The following FAM53B variants were observed in gnomAD, a reference collection of about 807,000 sequenced individuals.
FAM53B encodes family with sequence similarity 53 member B, also known as protein FAM53B.
A neutral mutation model predicts 32.7 loss-of-function variants in FAM53B; 12 were observed. That is an observed-to-expected ratio of 0.37 (90% CI 0.24 to 0.59). The LOEUF is 0.59. FAM53B is among the 20% of genes least tolerant of loss of function. The pLI, the probability that FAM53B is intolerant of heterozygous loss-of-function variation, is 0.72. For missense variants in FAM53B, 477 were observed against 577.7 expected, an observed-to-expected ratio of 0.83 and a Z score of 1.79; for synonymous variants, 234 against 228.7, an observed-to-expected ratio of 1.02 and a Z score of -0.21.
intron 1 of FAM53B, among the ~76,000 whole-genome samples, chr10:124,741,695 CAGAA>C (rs1484970811): frequency 2.0e-5 from 3 of 152,170 alleles, no homozygotes; most frequent in African/African-American, 7.2e-5. Flanking sequence ...AAGATGGAAA[CAGAA>C]AGAGCCCAGG....
intron 3 of FAM53B, among the ~76,000 whole-genome samples, chr10:124,687,532 G>A (rs1008133811): frequency 3.9e-5 from 6 of 152,180 alleles, no homozygotes; most frequent in Non-Finnish European, 7.3e-5. Flanking sequence ...GATAATTAAC[G>A]GTACTGGAAA....
At chr10:124,633,246 GAAA>G (rs10535148) in intron 4 of FAM53B, among the ~76,000 whole-genome samples, 48 of 135,780 alleles carry the variant, frequency 3.5e-4, no homozygotes, top group South Asian at 1.4e-3. Context: ...AAAATTGATA[GAAA>G]AAAAAAAAAA....
intron 4 of FAM53B, among the ~76,000 whole-genome samples, chr10:124,665,823 A>C (rs1949667137): frequency 6.6e-6 from 1 of 152,222 alleles, no homozygotes; most frequent in African/African-American, 2.4e-5. Flanking sequence ...TGCTAGGTAA[A>C]TAAATAGTGG....
chr10:124,737,900 T>C (rs2629539), intron 1 of FAM53B, among the ~76,000 whole-genome samples: 143,630 of 152,152 alleles, frequency 0.94, 68,340 homozygotes, highest in Non-Finnish European at 1. Context: ...CCACTAGGAC[T>C]GTGGGGAGGC....
At chr10:124,692,723 A>G (rs1041433206) in intron 3 of FAM53B, among the ~76,000 whole-genome samples, 31 of 150,516 alleles carry the variant, frequency 2.1e-4, no homozygotes, top group Admixed American at 3.9e-4. Flanking sequence ...TCAAAAAAAA[A>G]AAAAAAAAAA....
At chr10:124,655,359 G>A (rs1402756002) in intron 4 of FAM53B, among the ~76,000 whole-genome samples, 1 of 152,054 alleles carries the variant, frequency 6.6e-6, no homozygotes, top group Non-Finnish European at 1.5e-5. Flanking sequence ...GCCTGGGGAG[G>A]GGCCTGAAAG....
intron 1 of FAM53B, among the ~76,000 whole-genome samples, chr10:124,734,695 A>C (rs1451095138): frequency 1.3e-5 from 2 of 152,204 alleles, no homozygotes; most frequent in Non-Finnish European, 2.9e-5. Context: ...AGTGAACAGC[A>C]TGAGTCTTCA....
intron 4 of FAM53B, among the ~76,000 whole-genome samples, chr10:124,676,847 G>A (rs1041865922): frequency 1.3e-5 from 2 of 152,120 alleles, no homozygotes; most frequent in African/African-American, 4.8e-5. Context: ...ACCCCAAACT[G>A]CCCCTGGCCA....
At chr10:124,630,134 C>G (rs1589730285) in intron 4 of FAM53B, among the ~76,000 whole-genome samples, 1 of 152,234 alleles carries the variant, frequency 6.6e-6, no homozygotes, top group South Asian at 2.1e-4. Flanking sequence ...TAGCATCAGC[C>G]AAGCGGGGTG....
chr10:124,688,430 T>C (rs1949815051), intron 3 of FAM53B, among the ~76,000 whole-genome samples: 1 of 152,208 alleles, frequency 6.6e-6, no homozygotes, highest in Non-Finnish European at 1.5e-5. Context: ...CGAGAGCGTG[T>C]GCATTTGTGT....
intron 4 of FAM53B, among the ~76,000 whole-genome samples, chr10:124,659,170 T>C (rs992345059): frequency 3.9e-5 from 6 of 152,176 alleles, no homozygotes; most frequent in African/African-American, 1.4e-4. Context: ...GCAGGACACA[T>C]ACAGCCTTTG....
chr10:124,686,618 C>T (rs1949804612), intron 3 of FAM53B, among the ~76,000 whole-genome samples: 2 of 152,232 alleles, frequency 1.3e-5, no homozygotes, highest in African/African-American at 4.8e-5. Context: ...ACTTTAATTA[C>T]TGATCTGCGT....
At chr10:124,742,875 T>G (rs1295701614) in intron 1 of FAM53B, 1 of 152,204 alleles carries the variant, frequency 6.6e-6, no homozygotes, top group Non-Finnish European at 1.5e-5. Context: ...TTGTACCGTA[T>G]GGAAGACTCG....
intron 1 of FAM53B, among the ~76,000 whole-genome samples, chr10:124,720,356 C>T (rs1950061962): frequency 6.6e-6 from 1 of 152,102 alleles, no homozygotes; most frequent in African/African-American, 2.4e-5. Flanking sequence ...GCCCCAGATA[C>T]TCAGGAGGCG....
chr10:124,645,332 T>C (rs535288578), intron 4 of FAM53B, among the ~76,000 whole-genome samples: 74 of 152,246 alleles, frequency 4.9e-4, no homozygotes, highest in Non-Finnish European at 8.7e-4. Context: ...ACAGTAATCA[T>C]TGAGAGCAAT....
At chr10:124,740,418 C>T (rs1016111615) in intron 1 of FAM53B, among the ~76,000 whole-genome samples, 4 of 152,186 alleles carry the variant, frequency 2.6e-5, no homozygotes, top group Admixed American at 6.5e-5. Flanking sequence ...TTTTCAGTGG[C>T]GCAGTCATTA....
At chr10:124,739,720 C>T (rs1207787403) in intron 1 of FAM53B, among the ~76,000 whole-genome samples, 1 of 152,134 alleles carries the variant, frequency 6.6e-6, no homozygotes, top group Non-Finnish European at 1.5e-5. Flanking sequence ...ATGCAAAAGC[C>T]AGCTTCCCCG....
chr10:124,630,041 T>G (rs143860676), intron 4 of FAM53B, among the ~76,000 whole-genome samples: 2,739 of 152,316 alleles, frequency 0.018, 35 homozygotes, highest in Non-Finnish European at 0.021. Flanking sequence ...CATCTGGTCT[T>G]CTGCTGCTGC....
rs2134030360 is a variant in FAM53B, at chr10:124,619,857, G to T, written c.*3385C>A. Reference sequence around the variant, plus strand: ...CGTCATTCCAGTGACCACCCCCATAGCCACAGACGGCACGTCAGTGGAAAC... The same window carrying T: ...CGTCATTCCAGTGACCACCCCCATATCCACAGACGGCACGTCAGTGGAAAC... On this transcript the variant is annotated 3_prime_UTR_variant, in exon 5 of 5. Coordinates refer to ENST00000337318, the MANE Select transcript of FAM53B (RefSeq NM_014661.4). 6.6e-6 allele frequency: 1 copy of T among 152,580 alleles called. No homozygotes were observed. Among genetic ancestry groups the T allele is most frequent in the South Asian group, 2.1e-4 (1 of 4,828 alleles). 9.5% of individuals were successfully genotyped at this position (152,580 alleles called of 1,614,324 possible).
Sources: gnomAD v4.1 joint callset for allele counts (sites outside exome capture counted in the v4.1 genomes callset) on GRCh38, gnomAD v4.1.1 for gene constraint, MANE v1.5 for transcripts, NCBI Gene and HGNC (gene_info 2026-07-23, HGNC 2026-07-21) for gene names.